Variants in EDARADD observed in about 807,000 individuals in gnomAD.
EDARADD encodes the protein EDAR associated via death domain, also known as ectodysplasin-A receptor-associated adapter protein.
A neutral mutation model predicts 25.6 loss-of-function variants in EDARADD; 20 were observed. The observed-to-expected ratio is 0.78, with a 90% CI of 0.55 to 1.14. The LOEUF is 1.14. EDARADD is among the 50% of genes most tolerant of loss of function. The pLI is 0.00. For synonymous variants in EDARADD, 86 were observed against 94.4 expected, an observed-to-expected ratio of 0.91 and a Z score of 0.52; for missense variants, 225 against 270.1, an observed-to-expected ratio of 0.83 and a Z score of 1.17.
intron 4 of EDARADD, among the ~76,000 whole-genome samples, chr1:236,430,034 C>T (rs603867): frequency 0.45 from 68,356 of 151,984 alleles, 17,658 homozygotes; most frequent in Non-Finnish European, 0.59. Flanking sequence ...AGTAACATTG[C>T]TGGGTAGTCA....
intron 5 of EDARADD, among the ~76,000 whole-genome samples, chr1:236,469,453 A>T (rs1659302464): frequency 6.6e-6 from 1 of 152,174 alleles, no homozygotes; most frequent in Non-Finnish European, 1.5e-5. Context: ...AGCCTGGGTG[A>T]CAGAGCAAGA....
At position 236,484,300 on chromosome 1, in the gene EDARADD, C is replaced by G; in HGVS notation, c.*1651C>G. On this transcript the variant is annotated 3_prime_UTR_variant, in exon 6 of 6. Transcript: ENST00000334232. The surrounding 1 kb of genome is among the most constrained non-coding windows in gnomAD (Gnocchi z 4.1). The stretch of plus-strand genomic sequence containing the variant: ...CATCATTCTGGGGAGACTGAAAATA[C>G]CTTCATCACTGACCTGGTGGTGGGG... 9.2e-7 allele frequency: 1 copy of G among 1,091,752 alleles called. No homozygotes were observed. The highest frequency in any genetic ancestry group is 1.4e-6 in the Non-Finnish European group (1 of 704,676). 67.6% of individuals were successfully genotyped at this position (1,091,752 alleles called of 1,614,324 possible). A position where few individuals can be genotyped will look rare whatever the true frequency, so the allele number is the denominator to read the frequency against.
chr1:236,369,469 C>G (rs1667151093), intron 3 of EDARADD, among the ~76,000 whole-genome samples: 1 of 152,194 alleles, frequency 6.6e-6, no homozygotes, highest in African/African-American at 2.4e-5. Flanking sequence ...TCTGATTAAC[C>G]CCTGTTCCAG....
intron 3 of EDARADD, among the ~76,000 whole-genome samples, chr1:236,415,295 A>T (rs770856999): frequency 2.6e-5 from 4 of 152,140 alleles, no homozygotes; most frequent in Non-Finnish European, 5.9e-5. Context: ...GGGGTGAGGG[A>T]TGCTTGTTAG....
chr1:236,410,979 A>G (rs916064333), intron 2 of EDARADD, among the ~76,000 whole-genome samples: 1 of 152,164 alleles, frequency 6.6e-6, no homozygotes, highest in Non-Finnish European at 1.5e-5. Flanking sequence ...TCTCTGGAGT[A>G]GCTTGTTACT....
At chr1:236,428,409 T>G (rs1307359368) in intron 4 of EDARADD, among the ~76,000 whole-genome samples, 2 of 152,198 alleles carry the variant, frequency 1.3e-5, no homozygotes, top group Non-Finnish European at 2.9e-5. Flanking sequence ...TCTCTCTTTC[T>G]TTTCCCCACA....
intron 3 of EDARADD, among the ~76,000 whole-genome samples, chr1:236,379,326 T>C (rs571791583): frequency 6.6e-6 from 1 of 152,014 alleles, no homozygotes; most frequent in Admixed American, 6.6e-5. Flanking sequence ...GCCCAGATCA[T>C]GCCACTGCAC....
intron 5 of EDARADD, among the ~76,000 whole-genome samples, chr1:236,472,745 A>T (rs1052927513): frequency 2.6e-5 from 4 of 152,120 alleles, no homozygotes; most frequent in African/African-American, 9.7e-5. Flanking sequence ...ACCTCATTTA[A>T]TCCTCACAAC....
intron 1 of EDARADD, among the ~76,000 whole-genome samples, chr1:236,397,757 C>T (rs570513560): frequency 6.6e-6 from 1 of 152,250 alleles, no homozygotes; most frequent in South Asian, 2.1e-4. Flanking sequence ...CATACTTGAC[C>T]ATCTGAAAGA....
At chr1:236,373,309 G>A (rs959398604) in intron 3 of EDARADD, among the ~76,000 whole-genome samples, 7 of 149,600 alleles carry the variant, frequency 4.7e-5, no homozygotes, top group Admixed American at 1.3e-4. Flanking sequence ...TGGTTCAAGC[G>A]ATTCTCCTGC....
At chr1:236,480,318 A>G (rs925603160) in intron 5 of EDARADD, among the ~76,000 whole-genome samples, 13 of 151,888 alleles carry the variant, frequency 8.6e-5, no homozygotes, top group Non-Finnish European at 1.8e-4. Flanking sequence ...TAGTCCTCTA[A>G]CTGTAGACAT....
chr1:236,405,777 CTTT>C (rs1558112420), intron 1 of EDARADD, among the ~76,000 whole-genome samples: 2,926 of 67,120 alleles, frequency 0.044, 135 homozygotes, highest in Non-Finnish European at 0.068. Context: ...TTCTTTCTTT[CTTT>C]CTTTCTTTCT....
intron 4 of EDARADD, among the ~76,000 whole-genome samples, chr1:236,448,466 A>G (rs931027268): frequency 3.3e-5 from 5 of 152,208 alleles, no homozygotes; most frequent in Admixed American, 1.3e-4. Context: ...CAGGCCCACA[A>G]TGACAGCCCC....
chr1:236,368,515 A>G (rs1572111855), intron 3 of EDARADD, among the ~76,000 whole-genome samples: 1 of 141,082 alleles, frequency 7.1e-6, no homozygotes, highest in Admixed American at 7.7e-5. Flanking sequence ...ATCTCAGCTC[A>G]CTGCAACCTC....
chr1:236,438,618 A>G (rs948042880), intron 4 of EDARADD, among the ~76,000 whole-genome samples: 1 of 152,176 alleles, frequency 6.6e-6, no homozygotes, highest in Non-Finnish European at 1.5e-5. Context: ...ACCTAATGCT[A>G]TCATTTTCCC....
chr1:236,356,674 A>G (rs910138475), intron 3 of EDARADD, among the ~76,000 whole-genome samples: 5 of 152,222 alleles, frequency 3.3e-5, no homozygotes, highest in Non-Finnish European at 7.3e-5. Flanking sequence ...TATAGCAAGA[A>G]TCAAGGCTGT....
intron 3 of EDARADD, among the ~76,000 whole-genome samples, chr1:236,357,899 G>T (rs1666999663): frequency 6.6e-6 from 1 of 151,330 alleles, no homozygotes. Context: ...TTGAGATGGA[G>T]TTTCGCTCTT....
intron 3 of EDARADD, among the ~76,000 whole-genome samples, chr1:236,376,761 G>T (rs1191733525): frequency 2.0e-5 from 3 of 152,020 alleles, no homozygotes; most frequent in Non-Finnish European, 4.4e-5. Context: ...TAGTTTTTCT[G>T]TTCCTTCCTG....
At chr1:236,435,546 C>T (rs1424531074) in intron 4 of EDARADD, among the ~76,000 whole-genome samples, 1 of 152,132 alleles carries the variant, frequency 6.6e-6, no homozygotes, top group Admixed American at 6.5e-5. Context: ...GGAGGCACAG[C>T]GTGGTCAAGA....
Sources: allele counts gnomAD v4.1 joint callset (sites outside exome capture counted in the v4.1 genomes callset), GRCh38; gene constraint gnomAD v4.1.1; non-coding constraint Gnocchi (gnomAD v3.1); transcripts MANE v1.5; gene names NCBI Gene and HGNC (gene_info 2026-07-23, HGNC 2026-07-21).